The following ENOX1 variants were observed in gnomAD, a reference collection of about 807,000 sequenced individuals.
ENOX1 encodes candidate growth-related and time keeping constitutive hydroquinone (NADH) oxidase.
A neutral mutation model predicts 82.5 loss-of-function variants in ENOX1; 42 were observed. The observed-to-expected ratio is 0.51, with a 90% CI of 0.40 to 0.66. The LOEUF (loss-of-function observed/expected upper bound fraction) is 0.66. ENOX1 is among the 30% of genes least tolerant of loss of function. The pLI is 0.00. For missense variants in ENOX1, 608 were observed against 811.6 expected, an observed-to-expected ratio of 0.75 and a Z score of 3.05; for synonymous variants, 271 against 282.2, an observed-to-expected ratio of 0.96 and a Z score of 0.40.
intron 2 of ENOX1, among the ~76,000 whole-genome samples, chr13:43,551,754 C>T (rs1221745402): frequency 6.6e-6 from 1 of 152,158 alleles, no homozygotes; most frequent in African/African-American, 2.4e-5. Context: ...CTTTCCTCTT[C>T]TACAGCACAC....
Position 43,239,922 on chromosome 13 carries a change from A to G in ENOX1, c.1612-3184T>C, listed in dbSNP as rs1054105476. Among the ~76,000 whole-genome samples, 3 of 152,220 alleles carry G rather than the reference A, an allele frequency of 2.0e-5. No homozygotes were observed. The East Asian group carries it at 5.8e-4, about 29-fold the overall frequency. ...GTTAATTTGATTTGTCTGTATTTAT[A>G]TTGGTATTGTTCAGTTGAACAAGAT... On this transcript the variant is annotated intron_variant, in intron 14 of 16. Transcript: ENST00000690772.
At chr13:43,261,276 A>G (rs143108574) in intron 14 of ENOX1, among the ~76,000 whole-genome samples, 137 of 152,334 alleles carry the variant, frequency 9.0e-4, no homozygotes, top group African/African-American at 3.1e-3. Flanking sequence ...ACAAGACTCT[A>G]CGTATCCTTT....
At chr13:43,768,884 C>T (rs961976043) in intron 1 of ENOX1, among the ~76,000 whole-genome samples, 1 of 152,222 alleles carries the variant, frequency 6.6e-6, no homozygotes, top group Non-Finnish European at 1.5e-5. Flanking sequence ...TTTACACTTT[C>T]AGTCACTTAT....
chr13:43,483,060 A>G (rs2058567840), intron 3 of ENOX1, among the ~76,000 whole-genome samples: 1 of 152,340 alleles, frequency 6.6e-6, no homozygotes, highest in Middle Eastern at 3.4e-3. Context: ...AAATAAAAAA[A>G]GTAGAACCAC....
chr13:43,360,440 G>T (rs1195208474), intron 6 of ENOX1, among the ~76,000 whole-genome samples: 1 of 152,096 alleles, frequency 6.6e-6, no homozygotes, highest in African/African-American at 2.4e-5. Context: ...GCTTTGTCTT[G>T]TTTCCAGATA....
chr13:43,584,450 G>T (rs993975519), intron 2 of ENOX1, among the ~76,000 whole-genome samples: 2 of 152,314 alleles, frequency 1.3e-5, no homozygotes, highest in Admixed American at 1.3e-4. Flanking sequence ...GCGTGGCAGG[G>T]TGAACAGTCC....
chr13:43,441,364 G>T (rs2056346223), intron 3 of ENOX1, among the ~76,000 whole-genome samples: 1 of 152,076 alleles, frequency 6.6e-6, no homozygotes. Context: ...TTTCTTACAA[G>T]GGCTGTATGT....
chr13:43,498,419 G>A (rs753821638), intron 2 of ENOX1, among the ~76,000 whole-genome samples: 82 of 152,130 alleles, frequency 5.4e-4, no homozygotes, highest in Non-Finnish European at 9.9e-4. Context: ...TAATAACTAA[G>A]ATTGGACACA....
At chr13:43,673,890 A>T (rs1043863482) in intron 1 of ENOX1, among the ~76,000 whole-genome samples, 1 of 152,166 alleles carries the variant, frequency 6.6e-6, no homozygotes, top group Non-Finnish European at 1.5e-5. Flanking sequence ...ATTTTCCCTT[A>T]ATCATTTTCT....
At chr13:43,371,822 A>C (rs1353902731) in intron 5 of ENOX1, among the ~76,000 whole-genome samples, 1 of 152,176 alleles carries the variant, frequency 6.6e-6, no homozygotes, top group Non-Finnish European at 1.5e-5. Context: ...ACTGGGAGAG[A>C]CAAAAATAGA....
chr13:43,445,835 G>C (rs116517032), intron 3 of ENOX1, among the ~76,000 whole-genome samples: 3 of 152,152 alleles, frequency 2.0e-5, no homozygotes, highest in African/African-American at 7.2e-5. Context: ...AGAGATTCTG[G>C]GTGTGACGCA....
intron 2 of ENOX1, among the ~76,000 whole-genome samples, chr13:43,654,807 T>C (rs2084354643): frequency 6.6e-6 from 1 of 152,206 alleles, no homozygotes; most frequent in South Asian, 2.1e-4. Context: ...GAATTCTCTG[T>C]GGTTCCTAAG....
intron 2 of ENOX1, among the ~76,000 whole-genome samples, chr13:43,510,183 C>T (rs999234166): frequency 2.6e-5 from 4 of 151,938 alleles, no homozygotes; most frequent in African/African-American, 9.7e-5. Context: ...TCAAAAAGAG[C>T]CTCCAGATCA....
chr13:43,707,631 G>C (rs9562507), intron 1 of ENOX1, among the ~76,000 whole-genome samples: 16 of 150,564 alleles, frequency 1.1e-4, no homozygotes, highest in Non-Finnish European at 2.2e-4. Flanking sequence ...TACTCGGGAG[G>C]CTGAGGCAGG....
chr13:43,247,206 C>T (rs2043127050), intron 14 of ENOX1, among the ~76,000 whole-genome samples: 2 of 152,106 alleles, frequency 1.3e-5, no homozygotes, highest in African/African-American at 4.8e-5. Flanking sequence ...ATCCCAGCTA[C>T]TTGGGAAGCT....
intron 11 of ENOX1, chr13:43,321,128 G>T (rs939294633): frequency 1.1e-5 from 5 of 456,144 alleles, no homozygotes; most frequent in African/African-American, 1.0e-4. Flanking sequence ...TGAATTTGAG[G>T]GTGAAAGGGA....
chr13:43,386,011 C>G (rs2052389595), intron 5 of ENOX1, among the ~76,000 whole-genome samples: 1 of 152,036 alleles, frequency 6.6e-6, no homozygotes, highest in African/African-American at 2.4e-5. Context: ...ACTAAAAATA[C>G]AAAAATTAGC....
intron 11 of ENOX1, among the ~76,000 whole-genome samples, chr13:43,306,867 T>C (rs972217617): frequency 6.6e-6 from 1 of 152,198 alleles, no homozygotes; most frequent in African/African-American, 2.4e-5. Flanking sequence ...GTATTTGAAT[T>C]GGTGCTTCTA....
intron 2 of ENOX1, among the ~76,000 whole-genome samples, chr13:43,499,855 A>G (rs1288660709): frequency 2.0e-5 from 3 of 152,208 alleles, no homozygotes; most frequent in South Asian, 2.1e-4. Context: ...AGGAAAATAA[A>G]TGAACAAAAT....
Sources: gnomAD v4.1 joint callset for allele counts (sites outside exome capture counted in the v4.1 genomes callset) on GRCh38, gnomAD v4.1.1 for gene constraint, MANE v1.5 for transcripts, NCBI Gene and HGNC (gene_info 2026-07-23, HGNC 2026-07-21) for gene names.